KPNA4: variants seen among roughly 807,000 people sequenced by gnomAD.
KPNA4 encodes the protein karyopherin subunit alpha 4.
A neutral mutation model predicts 71.3 loss-of-function variants in KPNA4; 13 were observed. The ratio of observed to expected loss-of-function variants is 0.18; its 90% CI spans 0.12 to 0.29. KPNA4 has a LOEUF of 0.29. Ranked by LOEUF, KPNA4 falls within the 10% of genes least tolerant of loss-of-function variation. The pLI is 1.00. For synonymous variants in KPNA4, 189 were observed against 195.2 expected, an observed-to-expected ratio of 0.97 and a Z score of 0.26; for missense variants, 334 against 603.2, an observed-to-expected ratio of 0.55 and a Z score of 4.67.
intron 13 of KPNA4, among the ~76,000 whole-genome samples, chr3:160,511,678 AG>A (rs1354146896): frequency 6.6e-6 from 1 of 151,072 alleles, no homozygotes; most frequent in African/African-American, 2.4e-5. Flanking sequence ...TACATTCAGT[AG>A]TCATGTTGTC....
intron 13 of KPNA4, among the ~76,000 whole-genome samples, chr3:160,513,250 T>G (rs899423917): frequency 4.4e-4 from 22 of 49,732 alleles, no homozygotes; most frequent in South Asian, 1.3e-3. Context: ...TACTTTGTGG[T>G]TTTTTTTTTT....
rs181026277 is a variant in KPNA4 at position 160,519,621 on chromosome 3, C to T, written c.903+2158G>A. On this transcript the variant is annotated intron_variant, in intron 11 of 16. Coordinates refer to ENST00000334256, the MANE Select transcript of KPNA4 (RefSeq NM_002268.5). Reference sequence around the variant, plus strand: ...CATCCTGGCTAACAAGGTGAAACCCCGTCTCTACTAAAAAATACAAAAAAT... The same window carrying T: ...CATCCTGGCTAACAAGGTGAAACCCTGTCTCTACTAAAAAATACAAAAAAT... Among the ~76,000 whole-genome samples, 252 of 150,588 alleles carry T rather than the reference C, an allele frequency of 1.7e-3. 1 individual carries two copies. The highest frequency in any genetic ancestry group is 6.0e-3 in the African/African-American group (245 of 40,994).
intron 1 of KPNA4, among the ~76,000 whole-genome samples, chr3:160,558,569 CCTATA>C (rs1722184451): frequency 6.6e-6 from 1 of 152,058 alleles, no homozygotes; most frequent in Non-Finnish European, 1.5e-5. Context: ...TCTTTTAACC[CCTATA>C]CTATAAGGTC....
chr3:160,521,500 C>T (rs1721347943), intron 11 of KPNA4, among the ~76,000 whole-genome samples: 2 of 152,116 alleles, frequency 1.3e-5, no homozygotes, highest in Non-Finnish European at 2.9e-5. Context: ...ACTCAAGAGG[C>T]TGAGGTGGGA....
At chr3:160,564,485 A>G (rs997406620) in intron 1 of KPNA4, 1 of 152,386 alleles carries the variant, frequency 6.6e-6, no homozygotes, top group Non-Finnish European at 1.5e-5. Flanking sequence ...GGACAAGCTG[A>G]AATAAGGGGT....
At chr3:160,552,009 A>G (rs1722050944) in intron 1 of KPNA4, among the ~76,000 whole-genome samples, 1 of 150,108 alleles carries the variant, frequency 6.7e-6, no homozygotes, top group South Asian at 2.1e-4. Flanking sequence ...AACATCCTAC[A>G]GTGTACAGGA....
chr3:160,541,318 TA>T (rs1721791464), intron 1 of KPNA4, among the ~76,000 whole-genome samples: 3 of 152,154 alleles, frequency 2.0e-5, no homozygotes. Context: ...TCAATCTCAC[TA>T]GAGAAAAATG....
At chr3:160,550,696 G>T (rs949364363) in intron 1 of KPNA4, among the ~76,000 whole-genome samples, 1 of 152,162 alleles carries the variant, frequency 6.6e-6, no homozygotes, top group South Asian at 2.1e-4. Context: ...TAGTTTGAGT[G>T]TTTTTATCAT....
intron 1 of KPNA4, among the ~76,000 whole-genome samples, chr3:160,550,240 T>C (rs1351076997): frequency 2.6e-5 from 4 of 152,200 alleles, no homozygotes; most frequent in Non-Finnish European, 4.4e-5. Context: ...TCTAGTACTA[T>C]GTTGAAGAGA....
At chr3:160,535,387 T>G in intron 5 of KPNA4, 126 bp downstream of exon 5, 1 of 576,388 alleles carries the variant, frequency 1.7e-6, no homozygotes, top group Non-Finnish European at 3.1e-6. Context: ...AGTTGATCTA[T>G]TACTATTTAC....
At chr3:160,505,077 A>G (rs765738877) in intron 15 of KPNA4, 25 bp from the exon 16 acceptor site, 23 of 1,263,036 alleles carry the variant, frequency 1.8e-5, no homozygotes, top group Non-Finnish European at 2.5e-5. Flanking sequence ...GCAATGTGAA[A>G]CAATAGTAAT....
chr3:160,515,696 C>T, intron 11 of KPNA4, 116 bp from the exon 12 acceptor site: 1 of 1,147,650 alleles, frequency 8.7e-7, no homozygotes, highest in Non-Finnish European at 1.2e-6. Flanking sequence ...CTCACTGTAA[C>T]CTCTGCCTCT....
rs546938545 is a variant in KPNA4, at chr3:160,556,815, C to A, written c.69+8399G>T. Among the ~76,000 whole-genome samples, 5 of 152,196 alleles carry A rather than the reference C, an allele frequency of 3.3e-5. No homozygotes were observed. The South Asian group carries it at 1.0e-3, about 32-fold the overall frequency. On this transcript the variant is annotated intron_variant, in intron 1 of 16. Transcript: ENST00000334256. ...TTATTCACAACATTAAGAGAAAAAA[C>A]GTGAACAAATTTAAGGTGTCTGAAA...
chr3:160,511,622 TGA>T (rs1721095676), intron 13 of KPNA4, among the ~76,000 whole-genome samples: 1 of 151,838 alleles, frequency 6.6e-6, no homozygotes, highest in Non-Finnish European at 1.5e-5. Flanking sequence ...ACATTACTGA[TGA>T]AATATATTCT....
intron 11 of KPNA4, among the ~76,000 whole-genome samples, chr3:160,515,971 T>C (rs1024913622): frequency 6.6e-6 from 1 of 152,010 alleles, no homozygotes; most frequent in African/African-American, 2.4e-5. Context: ...AATGCATTCA[T>C]TCACTATTTC....
Position 160,557,161 on chromosome 3 carries a change from T to C in KPNA4, c.69+8053A>G, listed in dbSNP as rs150839450. On this transcript the variant is annotated intron_variant, in intron 1 of 16. Coordinates refer to ENST00000334256, the MANE Select transcript of KPNA4 (RefSeq NM_002268.5). ...CAATTATTTGAAAACCTTAAGGTAT[T>C]ATCTTGCTTGTTTTTCTGGACCAGT... 2.5e-4 allele frequency among the ~76,000 whole-genome samples: 38 copies of C among 152,300 alleles called. No individual in the cohort carries two copies. The East Asian group carries it at 6.8e-3, about 27-fold the overall frequency.
chr3:160,565,373 C>T lies in KPNA4; in HGVS notation c.-91G>A, dbSNP rs1722328512. 3.7e-6 allele frequency: 4 copies of T among 1,080,208 alleles called. No homozygotes were observed. The highest frequency in any genetic ancestry group is 1.6e-5 in the African/African-American group (1 of 62,902). 66.9% of individuals were successfully genotyped at this position (1,080,208 alleles called of 1,614,324 possible). On this transcript the variant is annotated 5_prime_UTR_variant, in exon 1 of 17. Transcript: ENST00000334256. ...CCGACACTCCCAGGAACCGGGCCGC[C>T]GCCTGAGCTGCTGTGCCCGCCGCGC...
intron 5 of KPNA4, among the ~76,000 whole-genome samples, chr3:160,532,068 C>T (rs908343127): frequency 3.3e-5 from 5 of 152,104 alleles, no homozygotes; most frequent in African/African-American, 7.2e-5. Flanking sequence ...CTGGGATTAC[C>T]GGCGTGAGCC....
chr3:160,543,614 T>C (rs1186067097), intron 1 of KPNA4, among the ~76,000 whole-genome samples: 2 of 152,140 alleles, frequency 1.3e-5, no homozygotes, highest in East Asian at 3.9e-4. Flanking sequence ...TTTACAAGTG[T>C]GAGCCACCAT....
Sources: allele counts gnomAD v4.1 joint callset (sites outside exome capture counted in the v4.1 genomes callset), GRCh38; gene constraint gnomAD v4.1.1; transcripts MANE v1.5; gene names NCBI Gene and HGNC (gene_info 2026-07-23, HGNC 2026-07-21).